The following CPXM2 variants were observed in gnomAD, a reference collection of about 807,000 sequenced individuals.
The protein encoded by CPXM2 is carboxypeptidase X, M14 family member 2, also known as inactive carboxypeptidase-like protein X2.
A neutral mutation model predicts 86.1 loss-of-function variants in CPXM2; 66 were observed. That is an observed-to-expected ratio of 0.77 (90% CI 0.63 to 0.94). The LOEUF (loss-of-function observed/expected upper bound fraction) is 0.94. Ranked by LOEUF, CPXM2 falls within the 40% of genes least tolerant of loss-of-function variation. The probability of loss-of-function intolerance (pLI) is 0.00; values close to 1 mark genes in which losing one functional copy is unlikely to be tolerated. For missense variants in CPXM2, 948 were observed against 1,026.3 expected (o/e 0.92, Z 1.04); for synonymous variants, 388 against 400.2 (o/e 0.97, Z 0.36).
intron 13 of CPXM2, among the ~76,000 whole-genome samples, chr10:123,753,445 TG>T (rs1031764701): frequency 6.6e-6 from 1 of 152,178 alleles, no homozygotes; most frequent in Non-Finnish European, 1.5e-5. Flanking sequence ...CCAGCCCACC[TG>T]GGGGTCAGAA....
At chr10:123,813,046 G>A (rs1034866918) in intron 4 of CPXM2, among the ~76,000 whole-genome samples, 1 of 152,110 alleles carries the variant, frequency 6.6e-6, no homozygotes, top group African/African-American at 2.4e-5. Context: ...TTATTTGAAT[G>A]TTGTACAATA....
In CPXM2 at chr10:123,766,988, C is replaced by G; in HGVS notation, c.1464G>C (p.Leu488=). ...NHYIAIPEWF[L]SENATVAAET... ...TTTGACTCACCGTGGCATTTTCCGACAGAAACCACTCAGGGATTGCAATAT... is the reference window on the plus strand; with the variant it reads ...TTTGACTCACCGTGGCATTTTCCGAGAGAAACCACTCAGGGATTGCAATAT... The change falls in exon 10 of 14, where the codon CTG becomes CTC. Residue 488 remains leucine (L), a synonymous_variant. Transcript: ENST00000241305. 2 of 1,613,874 alleles carry G rather than the reference C, an allele frequency of 1.2e-6. No individual in the cohort carries two copies. Among genetic ancestry groups the G allele is most frequent in the Non-Finnish European group, 1.7e-6 (2 of 1,179,732 alleles).
At chr10:123,881,260 T>TCCCTCCCCCC (rs1945088299) in intron 1 of CPXM2, among the ~76,000 whole-genome samples, 3 of 45,588 alleles carry the variant, frequency 6.6e-5, no homozygotes, top group Non-Finnish European at 1.4e-4. Context: ...TCCCTTCCCT[T>TCCCTCCCCCC]CCCTTTACGC....
chr10:123,830,182 G>A (rs78139394), intron 4 of CPXM2, among the ~76,000 whole-genome samples: 3,450 of 152,230 alleles, frequency 0.023, 54 homozygotes, highest in Non-Finnish European at 0.033. Context: ...TTTTTGCACA[G>A]CAAAAGGTGC....
chr10:123,940,481 C>T (rs919568263), upstream of CPXM2, among the ~76,000 whole-genome samples: 1 of 152,204 alleles, frequency 6.6e-6, no homozygotes, highest in African/African-American at 2.4e-5. Context: ...AGCGCCCAAG[C>T]CTGGGAATCA....
intron 2 of CPXM2, among the ~76,000 whole-genome samples, chr10:123,922,916 G>T (rs1308250749): frequency 6.6e-6 from 1 of 152,208 alleles, no homozygotes; most frequent in Non-Finnish European, 1.5e-5. Flanking sequence ...TAATCACAAA[G>T]GGAAAAGTCG....
At chr10:123,927,660 G>T (rs1945635381) in intron 2 of CPXM2, among the ~76,000 whole-genome samples, 1 of 152,140 alleles carries the variant, frequency 6.6e-6, no homozygotes, top group Non-Finnish European at 1.5e-5. Flanking sequence ...AACTGCACCT[G>T]GTTCATTAGC....
In CPXM2 at chr10:123,846,270, T is replaced by C. The variant is rs141576363; in HGVS notation, c.514-3782A>G. On this transcript the variant is annotated intron_variant, in intron 3 of 13. Transcript: ENST00000241305. ...AATCAATGGTAGCCTGAGCTCGTTT[T>C]CCTGCAACTAGACATTTTCATCTGG... Among the ~76,000 whole-genome samples, 659 of 152,370 alleles carry C rather than the reference T, an allele frequency of 4.3e-3. 4 individuals are homozygous for C. The highest frequency in any genetic ancestry group is 0.015 in the African/African-American group (623 of 41,590).
intron 2 of CPXM2, among the ~76,000 whole-genome samples, chr10:123,869,776 C>CTCA (rs911739655): frequency 6.6e-5 from 10 of 151,866 alleles, no homozygotes; most frequent in African/African-American, 1.9e-4. Context: ...TTCATTAGTC[C>CTCA]TCATCATCAT....
intron 6 of CPXM2, among the ~76,000 whole-genome samples, chr10:123,785,506 C>T (rs1047688834): frequency 3.3e-5 from 5 of 152,154 alleles, no homozygotes; most frequent in Non-Finnish European, 5.9e-5. Context: ...AGTGTCGTGT[C>T]GTTGGAACCC....
intron 2 of CPXM2, among the ~76,000 whole-genome samples, chr10:123,878,963 G>T (rs1024533523): frequency 1.3e-5 from 2 of 152,088 alleles, no homozygotes; most frequent in Non-Finnish European, 2.9e-5. Context: ...ACACTGTCAG[G>T]GTCAAGCAGC....
chr10:123,894,057 T>TCTCC (rs1452785253), upstream of CPXM2, among the ~76,000 whole-genome samples: 1 of 152,144 alleles, frequency 6.6e-6, no homozygotes, highest in Non-Finnish European at 1.5e-5. Flanking sequence ...AGATGAATCT[T>TCTCC]CTCCCTCTCA....
intron 10 of CPXM2, among the ~76,000 whole-genome samples, chr10:123,765,943 C>T (rs985402873): frequency 6.6e-6 from 1 of 152,208 alleles, no homozygotes; most frequent in African/African-American, 2.4e-5. Flanking sequence ...TTGTTTTGAG[C>T]TTGCAATATG....
At chr10:123,915,863 A>G (rs1312255772) in intron 2 of CPXM2, among the ~76,000 whole-genome samples, 1 of 151,834 alleles carries the variant, frequency 6.6e-6, no homozygotes, top group Admixed American at 6.6e-5. Context: ...GCTGTTGCCC[A>G]CTCCAGCCCT....
At chr10:123,897,748 A>G (rs557750297) in intron 2 of CPXM2, among the ~76,000 whole-genome samples, 1 of 152,378 alleles carries the variant, frequency 6.6e-6, no homozygotes. Flanking sequence ...AATCATCTTC[A>G]TGGAGTTGAG....
intron 3 of CPXM2, among the ~76,000 whole-genome samples, chr10:123,856,315 G>A (rs146713483): frequency 5.3e-4 from 80 of 152,348 alleles, no homozygotes; most frequent in African/African-American, 1.9e-3. Context: ...TGACACGGCA[G>A]TGCTTACTAC....
chr10:123,903,096 C>T (rs1945399421), intron 2 of CPXM2, among the ~76,000 whole-genome samples: 1 of 152,214 alleles, frequency 6.6e-6, no homozygotes, highest in Admixed American at 6.5e-5. Flanking sequence ...CGGGTGAGGT[C>T]CTGTGTCCCT....
chr10:123,915,166 G>A (rs918982851), intron 2 of CPXM2, among the ~76,000 whole-genome samples: 1 of 152,010 alleles, frequency 6.6e-6, no homozygotes, highest in Non-Finnish European at 1.5e-5. Context: ...GAAGGTCCTC[G>A]CCCTGCCCTT....
chr10:123,894,278 T>A (rs1175663789), upstream of CPXM2, among the ~76,000 whole-genome samples: 2 of 152,220 alleles, frequency 1.3e-5, no homozygotes, highest in African/African-American at 4.8e-5. Context: ...CTCTGCAGTG[T>A]CTGGTAAGTG....
Sources: gnomAD v4.1 joint callset for allele counts (sites outside exome capture counted in the v4.1 genomes callset) on GRCh38, gnomAD v4.1.1 for gene constraint, MANE v1.5 for transcripts, NCBI Gene and HGNC (gene_info 2026-07-23, HGNC 2026-07-21) for gene names.